The following IQCE variants were observed in gnomAD, a reference collection of about 807,000 sequenced individuals.
IQCE encodes the protein IQ domain-containing protein E.
Under a neutral mutation model 96.0 loss-of-function variants are expected in IQCE, and 115 were observed. That is an observed-to-expected ratio of 1.20 (90% CI 1.03 to 1.40). IQCE has a LOEUF of 1.40. IQCE is among the 40% of genes most tolerant of loss of function. IQCE has a pLI of 0.00. For missense variants in IQCE, 1,041 were observed against 909.1 expected (o/e 1.15, Z -1.87); for synonymous variants, 412 against 371.2 (o/e 1.11, Z -1.26).
chr7:2,578,715 A>G (rs1158600105), intron 8 of IQCE, among the ~76,000 whole-genome samples, 189 bp downstream of exon 8: 1 of 152,174 alleles, frequency 6.6e-6, no homozygotes, highest in East Asian at 1.9e-4. Flanking sequence ...CAGGCTCACC[A>G]CAGAGGCCAA....
rs770102606 is a variant in IQCE, at chr7:2,593,084, G to C, written c.1307G>C (p.Arg436Thr). The C allele has an allele frequency of 1.2e-6, 2 of 1,612,772 alleles. No homozygotes were observed. Among genetic ancestry groups the C allele is most frequent in the Admixed American group, 3.3e-5 (2 of 59,988 alleles). The change falls in exon 15 of 22, where the codon AGG becomes ACG. Residue 436 changes from arginine to threonine, a missense_variant. Transcript: ENST00000402050. ...CTGGAGAAGGAGCTGGAGTGCGCGA[G>C]GGAGGGCGAGGAGGAGAGGAGAGAG... ...ADLEKELECA[R>T]EGEEERRERE...
intron 17 of IQCE, among the ~76,000 whole-genome samples, chr7:2,599,986 G>A (rs751581413): frequency 1.3e-5 from 2 of 151,842 alleles, no homozygotes; most frequent in African/African-American, 2.4e-5. Context: ...TAGAGACAGG[G>A]TTTCACCATG....
intron 6 of IQCE, among the ~76,000 whole-genome samples, chr7:2,575,159 C>G (rs551825316): frequency 1.3e-5 from 2 of 152,262 alleles, no homozygotes; most frequent in African/African-American, 4.8e-5. Context: ...CCAGGACGCT[C>G]TGAGTGTTTC....
At chr7:2,574,890 C>A (rs1443251353) in intron 6 of IQCE, among the ~76,000 whole-genome samples, 8 of 152,148 alleles carry the variant, frequency 5.3e-5, no homozygotes, top group Non-Finnish European at 1.0e-4. Context: ...TTGGGTGTAA[C>A]CTTACTGTCT....
At chr7:2,603,108 C>T (rs1047806888) in intron 18 of IQCE, among the ~76,000 whole-genome samples, 1 of 152,184 alleles carries the variant, frequency 6.6e-6, no homozygotes, top group Non-Finnish European at 1.5e-5. Flanking sequence ...GCAATGGCAA[C>T]TTCCAACATC....
intron 18 of IQCE, among the ~76,000 whole-genome samples, chr7:2,602,103 G>A (rs1043519962): frequency 2.6e-5 from 4 of 152,182 alleles, no homozygotes; most frequent in African/African-American, 9.7e-5. Context: ...GGTGGCGCTG[G>A]GGGTGGCCAG....
chr7:2,600,959 G>A (rs1784392915), intron 17 of IQCE, among the ~76,000 whole-genome samples: 2 of 152,214 alleles, frequency 1.3e-5, no homozygotes, highest in African/African-American at 4.8e-5. Context: ...TGACCAGTCA[G>A]GGTGGGGCCA....
chr7:2,588,243 C>T (rs894434997), intron 13 of IQCE, among the ~76,000 whole-genome samples: 3 of 152,192 alleles, frequency 2.0e-5, no homozygotes, highest in Non-Finnish European at 4.4e-5. Context: ...AACTCCTGGC[C>T]AGGCAGAAAT....
In IQCE at chr7:2,579,650, G is replaced by A. The variant is rs142415115; in HGVS notation, c.630+1124G>A. Reference sequence around the variant, plus strand: ...GTAAATCCTTAACAAATGCCTGTAAGTAGTGGGTACTTTTGTAAAGAAAAG... The same window carrying A: ...GTAAATCCTTAACAAATGCCTGTAAATAGTGGGTACTTTTGTAAAGAAAAG... On this transcript the variant is annotated intron_variant, in intron 8 of 21. Transcript: ENST00000402050. Among the ~76,000 whole-genome samples the A allele has an allele frequency of 1.1e-4, 17 of 152,162 alleles. No individual in the cohort carries two copies. In the East Asian group the frequency reaches 3.1e-3, roughly 28 times the overall value.
chr7:2,578,338 C>G lies in IQCE; in HGVS notation c.562C>G (p.Leu188Val), dbSNP rs772314629. Reference protein sequence around the residue: ...NSRKDRQIEQLLDPSRGTDFV... With the variant: ...NSRKDRQIEQVLDPSRGTDFV... The stretch of plus-strand genomic sequence containing the variant: ...CAGGAAGGACCGGCAGATAGAGCAG[C>G]TCCTGGATCCCAGCCGCGTAAGCTC... Residue 188 changes from leucine to valine, a missense_variant, in exon 7 of 22, where the codon CTC (leucine) becomes GTC (valine). By Grantham distance (32) the Leu-to-Val change is conservative (BLOSUM62 1). Transcript: ENST00000402050. 2 of 1,614,038 alleles carry G rather than the reference C, an allele frequency of 1.2e-6. No homozygotes were observed. Among genetic ancestry groups the G allele is most frequent in the African/African-American group, 1.3e-5 (1 of 75,042 alleles).
intron 3 of IQCE, among the ~76,000 whole-genome samples, chr7:2,571,021 C>T (rs1781716297): frequency 6.9e-6 from 1 of 145,322 alleles, no homozygotes; most frequent in African/African-American, 2.5e-5. Context: ...ATATTCTTCC[C>T]ATTCTTTTCT....
intron 12 of IQCE, among the ~76,000 whole-genome samples, chr7:2,586,774 C>A (rs73293633): frequency 2.0e-5 from 3 of 152,002 alleles, no homozygotes; most frequent in Admixed American, 6.5e-5. Flanking sequence ...CTGGAAGGGG[C>A]GAGATAGCCA....
chr7:2,603,410 G>A (rs1247696011), intron 18 of IQCE, among the ~76,000 whole-genome samples: 2 of 152,222 alleles, frequency 1.3e-5, no homozygotes, highest in Non-Finnish European at 2.9e-5. Flanking sequence ...GTGAGCGGGT[G>A]AGGGGATCCG....
At chr7:2,568,261 A>T (rs12700069) in intron 2 of IQCE, among the ~76,000 whole-genome samples, 86,597 of 152,108 alleles carry the variant, frequency 0.57, 25,286 homozygotes, top group Non-Finnish European at 0.61. Flanking sequence ...TAAAATTACC[A>T]TTGCACTATG....
rs369133737 is a variant in IQCE at position 2,594,916 on chromosome 7, C to T, written c.1380C>T (p.Leu460=). 2 of 1,613,938 alleles carry T rather than the reference C, an allele frequency of 1.2e-6. No individual in the cohort carries two copies. The highest frequency in any genetic ancestry group is 2.2e-5 in the South Asian group (2 of 91,074). ...AGATTCAGACACTTACCAGCAAGCT[C>T]CAAGAATTGCAAGAAATGAAGAAAG... ...REEIQTLTSK[L]QELQEMKKEE... The change falls in exon 16 of 22, where the codon CTC becomes CTT. Residue 460 remains leucine, a synonymous_variant. Transcript: ENST00000402050.
intron 17 of IQCE, among the ~76,000 whole-genome samples, chr7:2,601,002 A>G (rs1784395410): frequency 6.6e-6 from 1 of 152,160 alleles, no homozygotes; most frequent in African/African-American, 2.4e-5. Context: ...AGTCCCCTTC[A>G]TAACGTCCCC....
intron 3 of IQCE, 113 bp from the exon 4 acceptor site, chr7:2,571,413 A>C: frequency 4.5e-6 from 6 of 1,328,908 alleles, no homozygotes; most frequent in Non-Finnish European, 6.3e-6. Context: ...ATGTTTGACT[A>C]GAGTCACCAC....
intron 21 of IQCE, 122 bp from the exon 22 acceptor site, chr7:2,609,922 C>T (rs1014152582): frequency 2.1e-5 from 14 of 656,996 alleles, no homozygotes; most frequent in Middle Eastern, 3.4e-4. Context: ...CCATGGCTTA[C>T]TGCTTCTCGG....
chr7:2,560,222 C>T (rs1339431954), intron 1 of IQCE, among the ~76,000 whole-genome samples: 1 of 152,180 alleles, frequency 6.6e-6, no homozygotes, highest in Non-Finnish European at 1.5e-5. Context: ...GCCCTCCAGC[C>T]TGGGCAACAG....
Sources: gnomAD v4.1 joint callset for allele counts (sites outside exome capture counted in the v4.1 genomes callset) on GRCh38, gnomAD v4.1.1 for gene constraint, MANE v1.5 for transcripts, NCBI Gene and HGNC (gene_info 2026-07-23, HGNC 2026-07-21) for gene names.